The following LRFN2 variants were observed in gnomAD, a reference collection of about 807,000 sequenced individuals.
LRFN2 encodes leucine-rich repeat and fibronectin type-III domain-containing protein 2.
LRFN2 carries 18 observed loss-of-function variants against 37.3 expected under a neutral mutation model. The ratio of observed to expected loss-of-function variants is 0.48; its 90% confidence interval spans 0.33 to 0.72. LRFN2 has a LOEUF of 0.72. Ranked by LOEUF, LRFN2 falls within the 30% of genes least tolerant of loss-of-function variation. The pLI is 0.02. For missense variants in LRFN2, 1,006 were observed against 1,060.7 expected (o/e 0.95, Z 0.72); for synonymous variants, 556 against 466.6 (o/e 1.19, Z -2.47).
chr6:40,504,229 A>T (rs545958135), intron 1 of LRFN2, among the ~76,000 whole-genome samples: 2 of 152,196 alleles, frequency 1.3e-5, no homozygotes, highest in Non-Finnish European at 2.9e-5. Context: ...GAATTTTCCA[A>T]TTGGTCCTGG....
At chr6:40,584,926 C>A (rs1273426721) in intron 1 of LRFN2, among the ~76,000 whole-genome samples, 1 of 152,132 alleles carries the variant, frequency 6.6e-6, no homozygotes, top group Non-Finnish European at 1.5e-5. Flanking sequence ...GGTGGCCCCA[C>A]CCACTCTGAC....
chr6:40,410,803 C>A (rs1762950375), intron 2 of LRFN2, among the ~76,000 whole-genome samples: 1 of 152,202 alleles, frequency 6.6e-6, no homozygotes, highest in African/African-American at 2.4e-5. Flanking sequence ...GCCAGATGGG[C>A]AGAGGAGCCT....
chr6:40,453,552 A>C (rs983507129), intron 1 of LRFN2, among the ~76,000 whole-genome samples: 9 of 126,548 alleles, frequency 7.1e-5, no homozygotes, highest in Middle Eastern at 4.1e-3. Flanking sequence ...ACACACACAC[A>C]CACCTCCCTT....
At chr6:40,458,765 C>T (rs1764285162) in intron 1 of LRFN2, among the ~76,000 whole-genome samples, 1 of 152,172 alleles carries the variant, frequency 6.6e-6, no homozygotes, top group Non-Finnish European at 1.5e-5. Context: ...CTTCTCTTTC[C>T]AATTCCCAGG....
intron 1 of LRFN2, among the ~76,000 whole-genome samples, chr6:40,532,694 C>T (rs1015690175): frequency 6.6e-6 from 1 of 152,208 alleles, no homozygotes; most frequent in Non-Finnish European, 1.5e-5. Context: ...ATTAATCTCT[C>T]CTCCGTGCAC....
chr6:40,458,446 T>A (rs1383924726), intron 1 of LRFN2, among the ~76,000 whole-genome samples: 1 of 152,194 alleles, frequency 6.6e-6, no homozygotes, highest in East Asian at 1.9e-4. Context: ...GCCATACATG[T>A]CAGTCTAGGG....
At chr6:40,500,561 A>C (rs138709148) in intron 1 of LRFN2, among the ~76,000 whole-genome samples, 2 of 152,340 alleles carry the variant, frequency 1.3e-5, no homozygotes, top group Non-Finnish European at 2.9e-5. Flanking sequence ...GGAAATAATC[A>C]TGGTTATACA....
chr6:40,509,735 G>C (rs1765645821), intron 1 of LRFN2, among the ~76,000 whole-genome samples: 1 of 151,934 alleles, frequency 6.6e-6, no homozygotes, highest in Non-Finnish European at 1.5e-5. Context: ...GGAGAGCTGA[G>C]TGCATGCATG....
At chr6:40,466,511 G>A (rs1764470515) in intron 1 of LRFN2, among the ~76,000 whole-genome samples, 2 of 151,658 alleles carry the variant, frequency 1.3e-5, no homozygotes, top group Non-Finnish European at 2.9e-5. Context: ...GTATAAGCAG[G>A]GGTTTCCATC....
chr6:40,410,265 A>C (rs550919229), intron 2 of LRFN2, among the ~76,000 whole-genome samples: 1 of 152,234 alleles, frequency 6.6e-6, no homozygotes, highest in East Asian at 1.9e-4. Flanking sequence ...TGAGCAATTC[A>C]CTTTCCTTCT....
intron 1 of LRFN2, among the ~76,000 whole-genome samples, chr6:40,471,882 C>G (rs538455821): frequency 7.2e-5 from 11 of 152,256 alleles, no homozygotes; most frequent in Admixed American, 5.2e-4. Flanking sequence ...GCAAAGCAAG[C>G]CCCTTGAGAG....
At chr6:40,464,646 AC>A in intron 1 of LRFN2, among the ~76,000 whole-genome samples, 1 of 152,192 alleles carries the variant, frequency 6.6e-6, no homozygotes, top group East Asian at 1.9e-4. Context: ...TCTCACTCAC[AC>A]CCCTCAATGT....
At chr6:40,518,654 C>A (rs1183151209) in intron 1 of LRFN2, among the ~76,000 whole-genome samples, 1 of 152,184 alleles carries the variant, frequency 6.6e-6, no homozygotes. Context: ...TCCCACACAA[C>A]CCCTCCTTGA....
At chr6:40,411,312 C>A (rs886142793) in intron 2 of LRFN2, among the ~76,000 whole-genome samples, 1 of 152,112 alleles carries the variant, frequency 6.6e-6, no homozygotes, top group African/African-American at 2.4e-5. Flanking sequence ...CAAACGGGCA[C>A]GGTAGGAGTA....
intron 1 of LRFN2, among the ~76,000 whole-genome samples, chr6:40,518,490 A>G (rs894360701): frequency 1.3e-5 from 2 of 152,156 alleles, no homozygotes; most frequent in Non-Finnish European, 2.9e-5. Context: ...CTCACCTCCT[A>G]TGCTGCTCCC....
chr6:40,435,046 TATATATAGAGAGAGAGAGAG>T (rs1413664788), intron 1 of LRFN2, among the ~76,000 whole-genome samples: 23 of 81,206 alleles, frequency 2.8e-4, no homozygotes, highest in African/African-American at 1.1e-3. Flanking sequence ...TATATATATA[TATATATAGAGAGAGAGAGAG>T]AGAGAGAGAG....
At chr6:40,541,273 C>G (rs959651331) in intron 1 of LRFN2, among the ~76,000 whole-genome samples, 13 of 152,226 alleles carry the variant, frequency 8.5e-5, no homozygotes, top group Non-Finnish European at 1.8e-4. Flanking sequence ...TTCCCAACCC[C>G]ACAACCTGTG....
chr6:40,585,571 C>T (rs182720856), intron 1 of LRFN2, among the ~76,000 whole-genome samples: 122 of 152,274 alleles, frequency 8.0e-4, no homozygotes, highest in Non-Finnish European at 1.5e-3. Context: ...AGCGACCAGA[C>T]CAGGGCACAA....
At chr6:40,438,128 A>G (rs990127851) in intron 1 of LRFN2, among the ~76,000 whole-genome samples, 2 of 152,170 alleles carry the variant, frequency 1.3e-5, no homozygotes, top group Non-Finnish European at 2.9e-5. Context: ...CAGAATGTCT[A>G]TGAGTCTGCA....
Sources: allele counts gnomAD v4.1 joint callset (sites outside exome capture counted in the v4.1 genomes callset), GRCh38; gene constraint gnomAD v4.1.1; transcripts MANE v1.5; gene names NCBI Gene and HGNC (gene_info 2026-07-23, HGNC 2026-07-21).